The following CALHM4 variants were observed in gnomAD, a reference collection of about 807,000 sequenced individuals.
CALHM4 encodes the protein calcium homeostasis modulator protein 4.
In CALHM4, 16 loss-of-function variants were observed where a neutral mutation model predicts 13.3. The ratio of observed to expected loss-of-function variants is 1.20; its 90% CI spans 0.81 to 1.82. The LOEUF (loss-of-function observed/expected upper bound fraction) is 1.82. CALHM4 is among the 40% of genes most tolerant of loss of function. The probability of loss-of-function intolerance (pLI) is 0.00; values close to 1 mark genes in which losing one functional copy is unlikely to be tolerated. For missense variants in CALHM4, 344 were observed against 374.9 expected, an observed-to-expected ratio of 0.92 and a Z score of 0.68; for synonymous variants, 127 against 137.1, an observed-to-expected ratio of 0.93 and a Z score of 0.52.
At chr6:116,530,218 C>A (rs997660192) in intron 1 of CALHM4, among the ~76,000 whole-genome samples, 1 of 151,690 alleles carries the variant, frequency 6.6e-6, no homozygotes, top group Non-Finnish European at 1.5e-5. Context: ...AACAAACCAC[C>A]CCCCCTCCTT....
rs760989879 is a variant in CALHM4 at position 116,558,234 on chromosome 6, G to C, written c.*23G>C. 13 of 1,586,272 alleles carry C rather than the reference G, an allele frequency of 8.2e-6. No individual in the cohort carries two copies. Among genetic ancestry groups the C allele is most frequent in the Non-Finnish European group, 3.4e-6 (4 of 1,167,402 alleles). On this transcript the variant is annotated 3_prime_UTR_variant, in exon 2 of 2. Transcript: ENST00000368596. ...TGATTACAGCACCTTTCATGAGTCA[G>C]GTTGCTTAGCAGATACTTGGCTTTT...
chr6:116,558,334 G>A lies in CALHM4; in HGVS notation c.*123G>A, dbSNP rs548448256. 2 of 1,077,426 alleles carry A rather than the reference G, an allele frequency of 1.9e-6. No individual in the cohort carries two copies. Among genetic ancestry groups the A allele is most frequent in the Non-Finnish European group, 1.3e-6 (1 of 775,548 alleles). 66.7% of individuals were successfully genotyped at this position (1,077,426 alleles called of 1,614,324 possible). A position where few individuals can be genotyped will look rare whatever the true frequency, so the allele number is the denominator to read the frequency against. On this transcript the variant is annotated 3_prime_UTR_variant, in exon 2 of 2. Coordinates refer to ENST00000368596, the MANE Select transcript of CALHM4 (RefSeq NM_001366078.2). ...TTCTCTCTGATATTTGTTTACGTAA[G>A]TCCATCTCAAATATTATTTCTAAAA... is the stretch of plus-strand genomic sequence containing the variant.
intron 1 of CALHM4, 72 bp from the exon 2 acceptor site, chr6:116,557,753 C>G: frequency 6.6e-7 from 1 of 1,509,800 alleles, no homozygotes; most frequent in Non-Finnish European, 8.9e-7. Flanking sequence ...AGGAATCCCC[C>G]CTCCCATGGC....
chr6:116,539,816 C>T (rs1052996582), intron 1 of CALHM4, among the ~76,000 whole-genome samples: 4 of 152,132 alleles, frequency 2.6e-5, no homozygotes, highest in African/African-American at 9.7e-5. Context: ...TAAAGGCTGG[C>T]TAAAGATGCA....
At chr6:116,540,588 G>T (rs1045323468) in intron 1 of CALHM4, 2 of 894,518 alleles carry the variant, frequency 2.2e-6, no homozygotes, top group Admixed American at 2.5e-5. Flanking sequence ...CAAATATGAC[G>T]AGTCAAATGG....
intron 1 of CALHM4, among the ~76,000 whole-genome samples, chr6:116,541,885 T>C (rs1392427486): frequency 6.6e-6 from 1 of 152,170 alleles, no homozygotes; most frequent in African/African-American, 2.4e-5. Context: ...AAATTAAAAA[T>C]GTAAGAGGCT....
chr6:116,542,332 AT>A (rs66953108), intron 1 of CALHM4, among the ~76,000 whole-genome samples: 2,002 of 152,186 alleles, frequency 0.013, 46 homozygotes, highest in African/African-American at 0.045. Flanking sequence ...ATAAATTATA[AT>A]TTTTTTAAAA....
intron 1 of CALHM4, among the ~76,000 whole-genome samples, chr6:116,556,179 CTGGGAAG>C (rs1200274354): frequency 6.6e-6 from 1 of 152,218 alleles, no homozygotes; most frequent in Non-Finnish European, 1.5e-5. Context: ...ATTATCTCCT[CTGGGAAG>C]TATTCCCTGA....
intron 1 of CALHM4, among the ~76,000 whole-genome samples, chr6:116,537,546 T>G (rs73553443): frequency 6.6e-4 from 100 of 152,344 alleles, no homozygotes; most frequent in African/African-American, 2.3e-3. Flanking sequence ...CATAGAACAT[T>G]TCTTACTCGA....
intron 1 of CALHM4, 89 bp from the exon 2 acceptor site, chr6:116,557,736 G>T: frequency 6.9e-7 from 1 of 1,445,808 alleles, no homozygotes; most frequent in East Asian, 2.3e-5. Flanking sequence ...TTAGTTCTTA[G>T]GTTTGTAGGA....
chr6:116,543,885 T>C (rs1277483322), intron 2 of CALHM4: 2 of 1,524,870 alleles, frequency 1.3e-6, no homozygotes, highest in Non-Finnish European at 1.8e-6. Context: ...GAGTTTCTTT[T>C]CTTTTTACTT....
intron 1 of CALHM4, 41 bp from the exon 2 acceptor site, chr6:116,557,784 C>T (rs6906668): frequency 0.62 from 972,241 of 1,580,094 alleles, 302,532 homozygotes; most frequent in East Asian, 0.87. Flanking sequence ...ATATTTGATG[C>T]ATTGATACTT....
chr6:116,543,248 G>T, intron 1 of CALHM4: 2 of 1,314,380 alleles, frequency 1.5e-6, no homozygotes, highest in Non-Finnish European at 2.1e-6. Context: ...CAGAAAGAAT[G>T]CAGGTGATGT....
rs183877827 is a variant in CALHM4, at chr6:116,558,921, C to G, written c.*710C>G. ...TCATGTTATTTGTAGCACCTCCATACTAGGAGCATTTTTATGGCCACTACA... is the reference window on the plus strand; with the variant it reads ...TCATGTTATTTGTAGCACCTCCATAGTAGGAGCATTTTTATGGCCACTACA... On this transcript the variant is annotated 3_prime_UTR_variant, in exon 2 of 2. Coordinates refer to ENST00000368596, the MANE Select transcript of CALHM4 (RefSeq NM_001366078.2). The G allele has an allele frequency of 1.2e-3, 181 of 152,290 alleles. No individual in the cohort carries two copies. The highest frequency in any genetic ancestry group is 4.3e-3 in the African/African-American group (177 of 41,574). The allele number at this position is 152,290 out of a possible 1,614,324, so 9.4% of individuals were successfully genotyped here.
chr6:116,537,182 G>A (rs1273694641), intron 1 of CALHM4, among the ~76,000 whole-genome samples: 2 of 152,200 alleles, frequency 1.3e-5, no homozygotes, highest in African/African-American at 4.8e-5. Flanking sequence ...TCTCCTCATT[G>A]ACAAGAAAGA....
In CALHM4 at chr6:116,557,930, A is replaced by C; in HGVS notation, c.664A>C (p.Thr222Pro). 6.2e-7 allele frequency: 1 copy of C among 1,614,138 alleles called. No homozygotes were observed. Among genetic ancestry groups the C allele is most frequent in the South Asian group, 1.1e-5 (1 of 91,080 alleles). ...PLTSLQHCYW[T>P]SHLQNERELF... ...CACCTCTCTGCAACATTGCTACTGG[A>C]CCAGCCACCTCCAGAATGAGAGAGA... The change falls in exon 2 of 2, where the codon ACC (threonine) becomes CCC (proline). Residue 222 changes from threonine (T) to proline (P), a missense_variant. By Grantham distance (38) the Thr-to-Pro change is conservative. Transcript: ENST00000368596.
At chr6:116,539,616 A>G (rs1475924752) in intron 1 of CALHM4, among the ~76,000 whole-genome samples, 1 of 152,204 alleles carries the variant, frequency 6.6e-6, no homozygotes, top group African/African-American at 2.4e-5. Context: ...CTCAGAAAGC[A>G]TGATGGTATA....
At chr6:116,545,649 A>G in intron 2 of CALHM4, 2 of 653,200 alleles carry the variant, frequency 3.1e-6, no homozygotes, top group Non-Finnish European at 2.5e-6. Flanking sequence ...CTGCTTCTGC[A>G]CTCTGCTGCT....
At chr6:116,544,351 T>C (rs916088196) in intron 2 of CALHM4, among the ~76,000 whole-genome samples, 1 of 152,094 alleles carries the variant, frequency 6.6e-6, no homozygotes, top group Admixed American at 6.6e-5. Flanking sequence ...GTGGGCACTA[T>C]TATATATTGA....
Sources: gnomAD v4.1 joint callset for allele counts (sites outside exome capture counted in the v4.1 genomes callset) on GRCh38, gnomAD v4.1.1 for gene constraint, MANE v1.5 for transcripts, NCBI Gene and HGNC (gene_info 2026-07-23, HGNC 2026-07-21) for gene names.